The following PCSK5 variants were observed in gnomAD, a reference collection of about 807,000 sequenced individuals.
The protein encoded by PCSK5 is prohormone convertase 5.
In PCSK5, 129 loss-of-function variants were observed where a neutral mutation model predicts 233.2. The observed-to-expected ratio is 0.55, with a 90% CI of 0.48 to 0.64. The LOEUF is 0.64. PCSK5 is among the 30% of genes least tolerant of loss of function. The probability of loss-of-function intolerance (pLI) is 0.00; values close to 1 mark genes in which losing one functional copy is unlikely to be tolerated. For synonymous variants in PCSK5, 825 were observed against 879.2 expected (o/e 0.94, Z 1.09); for missense variants, 2,076 against 2,430.1 (o/e 0.85, Z 3.06).
intron 35 of PCSK5, among the ~76,000 whole-genome samples, chr9:76,343,196 G>A (rs909289375): frequency 1.0e-4 from 15 of 145,626 alleles, no homozygotes; most frequent in Non-Finnish European, 1.9e-4. Context: ...ACAGAGCCTC[G>A]CTGTGTCACC....
intron 21 of PCSK5, among the ~76,000 whole-genome samples, chr9:76,230,683 C>T: frequency 6.6e-6 from 1 of 152,184 alleles, no homozygotes; most frequent in Non-Finnish European, 1.5e-5. Flanking sequence ...GCTCCATCTC[C>T]TGTCACATCA....
intron 20 of PCSK5, chr9:76,209,513 G>A (rs1395723596): frequency 3.9e-6 from 2 of 515,630 alleles, no homozygotes; most frequent in East Asian, 1.1e-4. Context: ...ACATGTAGTA[G>A]GCGCTCAATA....
chr9:76,251,264 C>A (rs1462723506), intron 24 of PCSK5, among the ~76,000 whole-genome samples: 1 of 151,640 alleles, frequency 6.6e-6, no homozygotes, highest in Non-Finnish European at 1.5e-5. Flanking sequence ...TAGACCCCAT[C>A]TCTAAAGAAA....
intron 25 of PCSK5, among the ~76,000 whole-genome samples, chr9:76,292,796 G>A (rs994708110): frequency 2.6e-5 from 4 of 151,992 alleles, no homozygotes; most frequent in African/African-American, 7.3e-5. Context: ...TTTCAATATC[G>A]CCCCCTCTTC....
chr9:75,913,857 A>G (rs1181675558), intron 1 of PCSK5, among the ~76,000 whole-genome samples: 1 of 152,162 alleles, frequency 6.6e-6, no homozygotes, highest in Non-Finnish European at 1.5e-5. Context: ...CTACTGTATT[A>G]TTAAAAAAAG....
chr9:76,182,397 A>G (rs1470090804), intron 16 of PCSK5, among the ~76,000 whole-genome samples: 1 of 152,238 alleles, frequency 6.6e-6, no homozygotes, highest in Non-Finnish European at 1.5e-5. Context: ...GGTGACAAAT[A>G]GGGCTAAAAG....
At chr9:76,322,921 G>A in intron 31 of PCSK5, 131 bp from the exon 32 acceptor site, 3 of 622,994 alleles carry the variant, frequency 4.8e-6, no homozygotes, top group South Asian at 3.8e-5. Context: ...GCCCTGGCAG[G>A]GTGGGTAAAG....
intron 20 of PCSK5, 84 bp from the exon 21 acceptor site, chr9:76,227,419 C>T: frequency 1.1e-6 from 1 of 924,168 alleles, no homozygotes; most frequent in East Asian, 2.6e-5. Flanking sequence ...CAGGCAGCCA[C>T]AGAGATCTGG....
intron 2 of PCSK5, among the ~76,000 whole-genome samples, chr9:75,953,548 T>C (rs1824959608): frequency 6.6e-6 from 1 of 152,152 alleles, no homozygotes; most frequent in African/African-American, 2.4e-5. Context: ...GCCACGTGCC[T>C]ACTGGAAGGA....
At chr9:76,350,340 C>G (rs1830087846) in intron 35 of PCSK5, among the ~76,000 whole-genome samples, 1 of 152,056 alleles carries the variant, frequency 6.6e-6, no homozygotes, top group Non-Finnish European at 1.5e-5. Context: ...CCATCATCAC[C>G]ACCCCAAAAT....
intron 5 of PCSK5, among the ~76,000 whole-genome samples, chr9:76,052,350 G>C (rs1464139197): frequency 6.6e-6 from 1 of 152,166 alleles, no homozygotes; most frequent in Non-Finnish European, 1.5e-5. Context: ...ATAAAGAAAA[G>C]GAGGTTTAAT....
At chr9:76,244,641 A>C (rs1826531000) in intron 24 of PCSK5, among the ~76,000 whole-genome samples, 2 of 121,144 alleles carry the variant, frequency 1.7e-5, no homozygotes, top group African/African-American at 6.4e-5. Context: ...TATACCTAAC[A>C]AAAAAAACCC....
intron 24 of PCSK5, among the ~76,000 whole-genome samples, chr9:76,265,556 T>C (rs773224881): frequency 1.3e-5 from 2 of 152,146 alleles, no homozygotes; most frequent in South Asian, 4.1e-4. Context: ...TGAACATTAC[T>C]GGGTCAATTG....
intron 36 of PCSK5, among the ~76,000 whole-genome samples, chr9:76,353,657 C>A (rs764318581): frequency 1.2e-4 from 19 of 152,232 alleles, no homozygotes; most frequent in Non-Finnish European, 2.1e-4. Context: ...AAATATCCCA[C>A]TTTTGAGATG....
At chr9:76,351,952 T>A (rs1041177766) in intron 36 of PCSK5, among the ~76,000 whole-genome samples, 2 of 151,966 alleles carry the variant, frequency 1.3e-5, no homozygotes, top group African/African-American at 4.8e-5. Context: ...GTCACTTCTG[T>A]GGTCACCAGA....
At chr9:76,331,995 T>G (rs1170233495) in intron 33 of PCSK5, among the ~76,000 whole-genome samples, 1 of 152,238 alleles carries the variant, frequency 6.6e-6, no homozygotes, top group Non-Finnish European at 1.5e-5. Context: ...CGGCGGTGTT[T>G]TTCCTTCAGG....
At chr9:76,321,955 T>C (rs1194425868) in intron 31 of PCSK5, among the ~76,000 whole-genome samples, 1 of 151,940 alleles carries the variant, frequency 6.6e-6, no homozygotes, top group East Asian at 1.9e-4. Flanking sequence ...TTCTCATCTT[T>C]TTTTTTTCCT....
chr9:76,317,049 A>G (rs983475435), intron 30 of PCSK5, among the ~76,000 whole-genome samples: 1 of 151,878 alleles, frequency 6.6e-6, no homozygotes, highest in African/African-American at 2.4e-5. Flanking sequence ...TTCTTCTCCA[A>G]TTTTTCTTAC....
At chr9:76,239,513 C>T (rs570326530) in intron 23 of PCSK5, among the ~76,000 whole-genome samples, 5 of 151,826 alleles carry the variant, frequency 3.3e-5, no homozygotes, top group East Asian at 1.9e-4. Flanking sequence ...TGGGGGAACA[C>T]GGTGAAACTC....
Sources: allele counts gnomAD v4.1 joint callset (sites outside exome capture counted in the v4.1 genomes callset), GRCh38; gene constraint gnomAD v4.1.1; transcripts MANE v1.5; gene names NCBI Gene and HGNC (gene_info 2026-07-23, HGNC 2026-07-21).